The following ZNF345 variants were observed in gnomAD, a reference collection of about 807,000 sequenced individuals.
The protein encoded by ZNF345 is zinc finger protein 345.
For synonymous variants in ZNF345, 166 were observed against 187.9 expected (o/e 0.88, Z 0.95); for missense variants, 527 against 589.9 (o/e 0.89, Z 1.10).
chr19:36,883,418 G>T (rs1471544901), downstream of ZNF345, among the ~76,000 whole-genome samples: 1 of 152,090 alleles, frequency 6.6e-6, no homozygotes, highest in Non-Finnish European at 1.5e-5. Context: ...TTGTTCCTTG[G>T]TGATTTCACC....
downstream of ZNF345, among the ~76,000 whole-genome samples, chr19:36,881,458 T>C (rs1243777539): frequency 1.1e-4 from 17 of 152,102 alleles, no homozygotes. Context: ...ATGGGTATTA[T>C]ATAAGGGATA....
At chr19:36,890,774 T>A (rs2073043306) in intron 3 of ZNF345, 1 of 151,972 alleles carries the variant, frequency 6.6e-6, no homozygotes, top group Admixed American at 6.6e-5. Context: ...AAGAATCGCT[T>A]GAACTCAGGA....
At chr19:36,852,714 A>G (rs1013544360) in intron 2 of ZNF345, among the ~76,000 whole-genome samples, 1 of 152,174 alleles carries the variant, frequency 6.6e-6, no homozygotes, top group Non-Finnish European at 1.5e-5. Context: ...GCAGTTTACA[A>G]GAGTTTTCTT....
intron 2 of ZNF345, among the ~76,000 whole-genome samples, chr19:36,863,903 A>G (rs1016178821): frequency 1.3e-5 from 2 of 152,188 alleles, no homozygotes; most frequent in African/African-American, 4.8e-5. Flanking sequence ...TAATTGTAAC[A>G]TTACTGCATG....
At chr19:36,855,226 T>C (rs1364121094) in intron 2 of ZNF345, among the ~76,000 whole-genome samples, 1 of 143,220 alleles carries the variant, frequency 7.0e-6, no homozygotes, top group Non-Finnish European at 1.5e-5. Context: ...CACTGCAAGC[T>C]CCGCCTCCCG....
At chr19:36,855,486 A>C (rs477942) in intron 2 of ZNF345, among the ~76,000 whole-genome samples, 31,314 of 104,990 alleles carry the variant, frequency 0.3, 5,790 homozygotes, top group African/African-American at 0.57. Context: ...CAGAGTTTCG[A>C]TCTTGTTGCC....
At chr19:36,861,207 T>C (rs1473820260) in intron 2 of ZNF345, among the ~76,000 whole-genome samples, 1 of 152,206 alleles carries the variant, frequency 6.6e-6, no homozygotes, top group Admixed American at 6.5e-5. Context: ...ATTTCCTTAC[T>C]TCCTGGAATG....
At chr19:36,880,050 GC>G (rs1413185719), downstream of ZNF345, among the ~76,000 whole-genome samples, 1 of 152,174 alleles carries the variant, frequency 6.6e-6, no homozygotes, top group Admixed American at 6.5e-5. Context: ...AATATTTGCT[GC>G]CAGGCACAGT....
chr19:36,856,903 C>T (rs2072431216), intron 2 of ZNF345, among the ~76,000 whole-genome samples: 1 of 151,316 alleles, frequency 6.6e-6, no homozygotes, highest in Non-Finnish European at 1.5e-5. Flanking sequence ...AAAAAGAATT[C>T]CTTATTACAA....
At chr19:36,864,247 G>A (rs541137008) in intron 2 of ZNF345, among the ~76,000 whole-genome samples, 1 of 152,306 alleles carries the variant, frequency 6.6e-6, no homozygotes, top group African/African-American at 2.4e-5. Flanking sequence ...GCCATTGATC[G>A]GGCATGATGC....
At chr19:36,855,339 C>A (rs1321896807) in intron 2 of ZNF345, among the ~76,000 whole-genome samples, 2 of 146,352 alleles carry the variant, frequency 1.4e-5, no homozygotes, top group South Asian at 2.3e-4. Flanking sequence ...TTAGTAGAGA[C>A]GGGGTTTCAC....
Position 36,877,496 on chromosome 19 carries a change from G to A in ZNF345, c.666G>A (p.Arg222=), listed in dbSNP as rs766113382. The A allele has an allele frequency of 2.5e-6, 4 of 1,612,488 alleles. No homozygotes were observed. The highest frequency in any genetic ancestry group is 3.4e-6 in the Non-Finnish European group (4 of 1,179,570). Residue 222 remains arginine, a synonymous_variant, in exon 3 of 3, where the codon CGG becomes CGA. Transcript: ENST00000420450. ...GSGSNLTQHR[R]IHTGEKPYEC... ...GTTCAAACCTTACTCAACATCGGCG[G>A]ATTCATACTGGTGAGAAACCTTATG...
At chr19:36,868,042 G>A (rs1454185374) in intron 2 of ZNF345, among the ~76,000 whole-genome samples, 5 of 142,240 alleles carry the variant, frequency 3.5e-5, no homozygotes, top group African/African-American at 5.3e-5. Context: ...TTGCTGTGTC[G>A]CCCAGGCTAG....
intron 2 of ZNF345, among the ~76,000 whole-genome samples, chr19:36,859,352 T>A (rs2072494952): frequency 6.6e-6 from 1 of 151,990 alleles, no homozygotes; most frequent in African/African-American, 2.4e-5. Flanking sequence ...GATGGGGTTT[T>A]GCCGTGTTGG....
chr19:36,853,634 T>G (rs1010956873), intron 2 of ZNF345, among the ~76,000 whole-genome samples: 1 of 152,198 alleles, frequency 6.6e-6, no homozygotes, highest in Non-Finnish European at 1.5e-5. Context: ...TTCTCCCGAG[T>G]GTGTATCCAG....
chr19:36,877,911 C>T lies in ZNF345; in HGVS notation c.1081C>T (p.His361Tyr), dbSNP rs2072923257. 1 of 1,613,992 alleles carries T rather than the reference C, an allele frequency of 6.2e-7. No homozygotes were observed. Among genetic ancestry groups the T allele is most frequent in the Admixed American group, 1.7e-5 (1 of 60,000 alleles). ...FSSGSDLTQH[H>Y]RIHTGEKPYE... ...TAGTGGTTCAGACCTTACTCAACAT[C>T]ACAGAATTCATACTGGTGAGAAACC... is the stretch of plus-strand genomic sequence containing the variant. Residue 361 changes from histidine to tyrosine, a missense_variant, in exon 3 of 3, where the codon CAC becomes TAC. His to Tyr is a moderately conservative substitution (Grantham distance 83). Transcript: ENST00000420450.
downstream of ZNF345, chr19:36,879,642 A>T: frequency 6.2e-6 from 1 of 162,484 alleles, no homozygotes. Context: ...ATAATGTATC[A>T]ATTGCTTTTG....
intron 2 of ZNF345, among the ~76,000 whole-genome samples, chr19:36,857,589 G>T (rs569203635): frequency 2.7e-5 from 4 of 150,814 alleles, no homozygotes; most frequent in African/African-American, 9.7e-5. Flanking sequence ...GATTACAGGC[G>T]TGAGCCACTG....
Position 36,877,755 on chromosome 19 carries a change from AC to A in ZNF345, c.926del (p.Thr309MetfsTer82). ...SDLTQHQRIH[T>X]GEKPYECKEC... ...TCTCACTCAGCATCAGAGAATTCACACTGGTGAGAAACCCTATGAGTGTAAG... is the reference window on the plus strand; with the variant it reads ...TCTCACTCAGCATCAGAGAATTCACATGGTGAGAAACCCTATGAGTGTAAG... On this transcript the variant is annotated frameshift_variant, in exon 3 of 3. Coordinates refer to ENST00000420450, the MANE Select transcript of ZNF345 (RefSeq NM_001242472.2). LOFTEE classifies it low-confidence loss of function (END_TRUNC). 6.2e-7 allele frequency: 1 copy of A among 1,614,112 alleles called. No individual in the cohort carries two copies. Among genetic ancestry groups the A allele is most frequent in the Non-Finnish European group, 8.5e-7 (1 of 1,179,982 alleles).
Sources: allele counts gnomAD v4.1 joint callset (sites outside exome capture counted in the v4.1 genomes callset), GRCh38; gene constraint gnomAD v4.1.1; transcripts MANE v1.5; gene names NCBI Gene and HGNC (gene_info 2026-07-23, HGNC 2026-07-21).